UPP2: variants seen among roughly 807,000 people sequenced by gnomAD.
UPP2 encodes uridine phosphorylase 2.
In UPP2, 23 loss-of-function variants were observed where a neutral mutation model predicts 26.7. That is an observed-to-expected ratio of 0.86 (90% CI 0.62 to 1.22). The LOEUF is 1.22. UPP2 is among the 50% of genes most tolerant of loss of function. UPP2 has a pLI of 0.00. For missense variants in UPP2, 387 were observed against 396.7 expected (o/e 0.98, Z 0.21); for synonymous variants, 127 against 141.3 (o/e 0.90, Z 0.72).
chr2:158,003,767 T>C (rs1289295548), intron 2 of UPP2, among the ~76,000 whole-genome samples: 1 of 151,254 alleles, frequency 6.6e-6, no homozygotes, highest in African/African-American at 2.4e-5. Flanking sequence ...AGGAATGGAA[T>C]TGTAGATATT....
intron 3 of UPP2, among the ~76,000 whole-genome samples, chr2:158,027,366 C>A (rs949471552): frequency 5.3e-5 from 8 of 152,154 alleles, no homozygotes; most frequent in South Asian, 2.1e-4. Flanking sequence ...AGGACCCATG[C>A]AAGTCCGAAA....
At chr2:158,036,445 A>G (rs1403351237) in intron 3 of UPP2, among the ~76,000 whole-genome samples, 3 of 152,186 alleles carry the variant, frequency 2.0e-5, no homozygotes, top group Non-Finnish European at 4.4e-5. Context: ...ACCTCAATAC[A>G]GAGCTCTCAG....
chr2:158,134,325 A>C (rs907831085), intron 6 of UPP2, among the ~76,000 whole-genome samples: 2 of 152,242 alleles, frequency 1.3e-5, no homozygotes, highest in Non-Finnish European at 2.9e-5. Flanking sequence ...CCATTGCACC[A>C]AGGAGAAAAA....
intron 3 of UPP2, among the ~76,000 whole-genome samples, chr2:158,049,365 C>T (rs7564199): frequency 0.091 from 13,854 of 152,222 alleles, 771 homozygotes; most frequent in African/African-American, 0.16. Flanking sequence ...AGTTCCCATT[C>T]ATGCCACAGG....
intron 3 of UPP2, among the ~76,000 whole-genome samples, chr2:158,091,047 A>C (rs1682904147): frequency 6.6e-6 from 1 of 152,248 alleles, no homozygotes; most frequent in Non-Finnish European, 1.5e-5. Flanking sequence ...AACAGTCTCC[A>C]GTGAGAAACG....
intron 2 of UPP2, chr2:157,995,312 C>A: frequency 6.3e-7 from 1 of 1,580,806 alleles, no homozygotes; most frequent in South Asian, 1.1e-5. Flanking sequence ...TGTGTCTGGT[C>A]ATATTCCAAG....
At chr2:158,071,108 A>C (rs1418795130) in intron 3 of UPP2, among the ~76,000 whole-genome samples, 2 of 152,154 alleles carry the variant, frequency 1.3e-5, no homozygotes, top group Non-Finnish European at 2.9e-5. Context: ...CAGGGACACA[A>C]ATACTGCATT....
chr2:158,108,540 T>C (rs78218113), intron 2 of UPP2, among the ~76,000 whole-genome samples: 1,597 of 152,210 alleles, frequency 0.01, 29 homozygotes, highest in African/African-American at 0.036. Context: ...GATGGAAAGC[T>C]TTGTTTTAGA....
chr2:158,118,010 T>A, intron 4 of UPP2, 72 bp downstream of exon 4: 1 of 1,301,350 alleles, frequency 7.7e-7, no homozygotes, highest in Non-Finnish European at 1.1e-6. Flanking sequence ...AAATATAACA[T>A]CCTATTCAGA....
chr2:158,002,655 C>T (rs1245263221), intron 2 of UPP2, among the ~76,000 whole-genome samples: 1 of 152,250 alleles, frequency 6.6e-6, no homozygotes, highest in Non-Finnish European at 1.5e-5. Flanking sequence ...AGAAAAATCA[C>T]AACCCAAGTG....
intron 6 of UPP2, among the ~76,000 whole-genome samples, chr2:158,128,967 T>C (rs1366254575): frequency 6.6e-6 from 1 of 152,270 alleles, no homozygotes; most frequent in South Asian, 2.1e-4. Context: ...ATAAATGGTA[T>C]ATAATTCACT....
intron 3 of UPP2, among the ~76,000 whole-genome samples, chr2:158,079,573 A>G (rs1357082831): frequency 6.6e-6 from 1 of 152,208 alleles, no homozygotes; most frequent in Non-Finnish European, 1.5e-5. Context: ...CCAAATTTAG[A>G]AAAATTAAAA....
chr2:158,104,456 A>T (rs966536015), intron 1 of UPP2, among the ~76,000 whole-genome samples: 1 of 152,206 alleles, frequency 6.6e-6, no homozygotes, highest in Admixed American at 6.5e-5. Flanking sequence ...AAATCTTTAG[A>T]TTTAAAATAC....
At chr2:157,998,151 A>G (rs1229487004) in intron 2 of UPP2, among the ~76,000 whole-genome samples, 4 of 152,132 alleles carry the variant, frequency 2.6e-5, no homozygotes, top group African/African-American at 9.7e-5. Context: ...TGGTGGATTG[A>G]CTAAAACTTG....
chr2:158,055,857 T>A (rs1682238195), intron 3 of UPP2, among the ~76,000 whole-genome samples: 1 of 152,192 alleles, frequency 6.6e-6, no homozygotes, highest in Non-Finnish European at 1.5e-5. Flanking sequence ...TGATTTGTCA[T>A]TTCTATGTGT....
intron 3 of UPP2, among the ~76,000 whole-genome samples, chr2:158,072,712 A>G (rs1293678440): frequency 1.3e-5 from 2 of 152,206 alleles, no homozygotes; most frequent in African/African-American, 4.8e-5. Context: ...GGAAGAGAAC[A>G]AGAATTCTGC....
At chr2:158,086,909 T>C (rs866803856) in intron 3 of UPP2, among the ~76,000 whole-genome samples, 17 of 152,160 alleles carry the variant, frequency 1.1e-4, no homozygotes, top group African/African-American at 4.1e-4. Context: ...TTGTGGCCTA[T>C]CATATGATCT....
chr2:158,115,087 AT>A lies in UPP2; in HGVS notation c.181-9del. On this transcript the variant is annotated splice_polypyrimidine_tract_variant and intron_variant, in intron 2 of 6. Transcript: ENST00000005756. ...CAGTTACTATGGCAGGCCCTTGTTT[AT>A]TTTTATTAACAGTTTGTCTGTGTCG... The A allele has an allele frequency of 6.3e-7, 1 of 1,585,754 alleles. No individual in the cohort carries two copies.
chr2:158,069,896 G>A (rs189693114), intron 3 of UPP2, among the ~76,000 whole-genome samples: 48 of 152,254 alleles, frequency 3.2e-4, no homozygotes, highest in African/African-American at 1.1e-3. Flanking sequence ...CTTCCAACAA[G>A]AAGACTGCTG....
Sources: allele counts gnomAD v4.1 joint callset (sites outside exome capture counted in the v4.1 genomes callset), GRCh38; gene constraint gnomAD v4.1.1; transcripts MANE v1.5; gene names NCBI Gene and HGNC (gene_info 2026-07-23, HGNC 2026-07-21).